Variants in PDE1C observed in about 807,000 individuals in gnomAD.
The protein encoded by PDE1C is dual specificity calcium/calmodulin-dependent 3',5'-cyclic nucleotide phosphodiesterase 1C.
A neutral mutation model predicts 93.1 loss-of-function variants in PDE1C; 62 were observed. The observed-to-expected ratio is 0.67, with a 90% CI of 0.54 to 0.82. PDE1C has a LOEUF of 0.82. Ranked by LOEUF, PDE1C falls within the 40% of genes least tolerant of loss-of-function variation. The probability of loss-of-function intolerance (pLI) is 0.00; values close to 1 mark genes in which losing one functional copy is unlikely to be tolerated. For missense variants in PDE1C, 742 were observed against 884.6 expected (o/e 0.84, Z 2.04); for synonymous variants, 325 against 310.1 (o/e 1.05, Z -0.50).
At chr7:31,766,229 A>G (rs2128616426) in intron 17 of PDE1C, among the ~76,000 whole-genome samples, 1 of 152,102 alleles carries the variant, frequency 6.6e-6, no homozygotes, top group Middle Eastern at 3.4e-3. Context: ...CTAAAAATAC[A>G]AAAAATTAGC....
At chr7:32,299,091 C>A in exon 1 of PDE1C, 1 of 1,066,514 alleles carries the variant, frequency 9.4e-7, no homozygotes, top group Non-Finnish European at 1.1e-6. Flanking sequence ...ACGCTACTCT[C>A]TGTCAGCCGC....
chr7:32,227,265 G>C (rs1033757794), intron 1 of PDE1C, among the ~76,000 whole-genome samples: 12 of 152,064 alleles, frequency 7.9e-5, no homozygotes, highest in Non-Finnish European at 1.2e-4. Flanking sequence ...GAAGGAGCAG[G>C]GTGGTCATCA....
intron 2 of PDE1C, among the ~76,000 whole-genome samples, chr7:32,037,571 A>G (rs1315147482): frequency 1.3e-5 from 2 of 152,174 alleles, no homozygotes; most frequent in African/African-American, 4.8e-5. Context: ...CTTAAGCCTC[A>G]GGTGTCATCT....
At chr7:31,790,875 C>T (rs1389995642) in intron 16 of PDE1C, among the ~76,000 whole-genome samples, 1 of 152,150 alleles carries the variant, frequency 6.6e-6, no homozygotes, top group Non-Finnish European at 1.5e-5. Context: ...TTTCAACTGG[C>T]ATGCTCTACC....
intron 13 of PDE1C, among the ~76,000 whole-genome samples, chr7:31,824,558 G>C (rs186742041): frequency 6.6e-6 from 1 of 152,180 alleles, no homozygotes; most frequent in East Asian, 1.9e-4. Context: ...TGTCTTTGTG[G>C]AGTATTACAT....
intron 1 of PDE1C, among the ~76,000 whole-genome samples, chr7:32,375,786 G>A (rs1784422864): frequency 6.6e-6 from 1 of 152,224 alleles, no homozygotes; most frequent in African/African-American, 2.4e-5. Flanking sequence ...TCAAACTAGG[G>A]CCATGATAAT....
chr7:31,965,860 G>A (rs1257979051), intron 2 of PDE1C, among the ~76,000 whole-genome samples: 1 of 152,164 alleles, frequency 6.6e-6, no homozygotes. Flanking sequence ...GCCAAACTAA[G>A]CTTCATAAGT....
At chr7:32,279,578 C>T (rs1811496315) in intron 1 of PDE1C, among the ~76,000 whole-genome samples, 1 of 151,622 alleles carries the variant, frequency 6.6e-6, no homozygotes, top group Non-Finnish European at 1.5e-5. Flanking sequence ...ACATTATACC[C>T]CATAAATATG....
At chr7:32,245,850 G>A (rs905567240) in intron 1 of PDE1C, among the ~76,000 whole-genome samples, 11 of 152,170 alleles carry the variant, frequency 7.2e-5, no homozygotes, top group East Asian at 3.9e-4. Flanking sequence ...CTTTTGTAAG[G>A]TCACTAATCT....
the PDE1C span, among the ~76,000 whole-genome samples, chr7:31,639,124 G>C: frequency 1.3e-5 from 2 of 152,050 alleles, no homozygotes; most frequent in East Asian, 3.9e-4. Context: ...TCATGTTTCT[G>C]GTGCTTGGAG....
intron 2 of PDE1C, among the ~76,000 whole-genome samples, chr7:31,977,992 T>C (rs1054623650): frequency 6.6e-6 from 1 of 152,160 alleles, no homozygotes; most frequent in African/African-American, 2.4e-5. Flanking sequence ...ACTACAATCA[T>C]CCTCACTTTA....
At chr7:32,045,750 G>A (rs1792463672) in intron 2 of PDE1C, among the ~76,000 whole-genome samples, 1 of 152,116 alleles carries the variant, frequency 6.6e-6, no homozygotes, top group Admixed American at 6.5e-5. Context: ...ATATATCCTG[G>A]GAAGGAAACG....
chr7:31,947,426 T>C (rs1806768692), intron 2 of PDE1C, among the ~76,000 whole-genome samples: 1 of 152,196 alleles, frequency 6.6e-6, no homozygotes, highest in Non-Finnish European at 1.5e-5. Flanking sequence ...GTTCATGTTA[T>C]ATTTGACTGA....
intron 1 of PDE1C, among the ~76,000 whole-genome samples, chr7:32,354,935 G>A (rs2128083574): frequency 6.6e-6 from 1 of 152,298 alleles, no homozygotes; most frequent in East Asian, 1.9e-4. Context: ...CTTTGCAAAG[G>A]CAATTCTGAT....
the PDE1C span, among the ~76,000 whole-genome samples, chr7:31,665,619 GT>G: frequency 1.3e-5 from 2 of 152,274 alleles, no homozygotes; most frequent in South Asian, 4.1e-4. Context: ...GGAAAACTAT[GT>G]CCTCTTCTGC....
intron 9 of PDE1C, among the ~76,000 whole-genome samples, chr7:31,846,167 TTAACA>T (rs1388643228): frequency 2.0e-5 from 3 of 152,070 alleles, no homozygotes; most frequent in Non-Finnish European, 4.4e-5. Context: ...TAATTGCCTC[TTAACA>T]TATTTTCCAA....
chr7:32,185,941 C>A (rs991240850), intron 2 of PDE1C, among the ~76,000 whole-genome samples: 1 of 152,154 alleles, frequency 6.6e-6, no homozygotes, highest in African/African-American at 2.4e-5. Flanking sequence ...TTGTTAATTT[C>A]ATTGCCTTTT....
intron 3 of PDE1C, among the ~76,000 whole-genome samples, chr7:32,108,230 C>CAAA (rs71559210): frequency 0.14 from 10,836 of 76,686 alleles, 928 homozygotes; most frequent in Non-Finnish European, 0.17. Flanking sequence ...AAAAGCAAGA[C>CAAA]AAAAAAAAAA....
At chr7:31,732,904 T>C in the PDE1C span, among the ~76,000 whole-genome samples, 275 of 152,262 alleles carry the variant, frequency 1.8e-3, 1 homozygote, top group African/African-American at 6.3e-3. Flanking sequence ...AAAAAAGTGA[T>C]TCATCTGTAC....
Sources: gnomAD v4.1 joint callset for allele counts (sites outside exome capture counted in the v4.1 genomes callset) on GRCh38, gnomAD v4.1.1 for gene constraint, MANE v1.5 for transcripts, NCBI Gene and HGNC (gene_info 2026-07-23, HGNC 2026-07-21) for gene names.